SORCS3: variants seen among roughly 807,000 people sequenced by gnomAD.
SORCS3 encodes VPS10 domain-containing receptor SorCS3.
A neutral mutation model predicts 146.3 loss-of-function variants in SORCS3; 57 were observed. That is an observed-to-expected ratio of 0.39 (90% confidence interval 0.31 to 0.49). The LOEUF (loss-of-function observed/expected upper bound fraction) is 0.49. Ranked by LOEUF, SORCS3 falls within the 20% of genes least tolerant of loss-of-function variation. SORCS3 has a pLI of 0.92. For synonymous variants in SORCS3, 653 were observed against 618.5 expected (o/e 1.06, Z -0.83); for missense variants, 1,341 against 1,575.5 (o/e 0.85, Z 2.52).
At chr10:104,828,551 G>A (rs989172065) in intron 1 of SORCS3, among the ~76,000 whole-genome samples, 4 of 152,102 alleles carry the variant, frequency 2.6e-5, no homozygotes, top group Non-Finnish European at 5.9e-5. Flanking sequence ...AGCTTGAAAT[G>A]TTGTGAGAAT....
At chr10:104,717,712 C>A (rs2016496368) in intron 1 of SORCS3, among the ~76,000 whole-genome samples, 1 of 152,132 alleles carries the variant, frequency 6.6e-6, no homozygotes, top group South Asian at 2.1e-4. Flanking sequence ...AACAGAGGGT[C>A]AGAGCTGGGC....
intron 2 of SORCS3, among the ~76,000 whole-genome samples, chr10:104,905,596 C>T (rs759611565): frequency 2.6e-5 from 4 of 152,168 alleles, no homozygotes; most frequent in Admixed American, 6.5e-5. Context: ...TTAAAAGAGA[C>T]GTCCAAGGTA....
At position 105,262,453 on chromosome 10, in the gene SORCS3, A is replaced by G. The variant is rs142565865; in HGVS notation, c.3566A>G (p.Glu1189Gly). Reference protein sequence around the residue: ...KITLSDFTEPEELLDKELDTR... With the variant: ...KITLSDFTEPGELLDKELDTR... ...ACACTCAGTGACTTTACGGAGCCTGAGGAGCTGCTGGACAAAGAGCTGGAC... is the reference window on the plus strand; with the variant it reads ...ACACTCAGTGACTTTACGGAGCCTGGGGAGCTGCTGGACAAAGAGCTGGAC... Residue 1189 changes from glutamate (E) to glycine (G), a missense_variant, in exon 26 of 27, where the codon GAG becomes GGG. Glu to Gly is a moderately conservative substitution (Grantham distance 98). Transcript: ENST00000369701. 6.2e-7 allele frequency: 1 copy of G among 1,613,924 alleles called. No individual in the cohort carries two copies. The highest frequency in any genetic ancestry group is 1.3e-5 in the African/African-American group (1 of 74,922).
At chr10:104,834,409 G>T (rs970460596) in intron 1 of SORCS3, among the ~76,000 whole-genome samples, 2 of 152,082 alleles carry the variant, frequency 1.3e-5, no homozygotes, top group Admixed American at 1.3e-4. Context: ...TCCTGCCTTT[G>T]GATCTTTGCA....
intron 5 of SORCS3, among the ~76,000 whole-genome samples, chr10:105,075,792 C>G (rs2055585057): frequency 6.6e-6 from 1 of 152,040 alleles, no homozygotes; most frequent in Non-Finnish European, 1.5e-5. Flanking sequence ...GGAAGGGATC[C>G]CTAGTCTCCT....
At chr10:105,059,615 A>C (rs2055469619) in intron 5 of SORCS3, among the ~76,000 whole-genome samples, 1 of 152,180 alleles carries the variant, frequency 6.6e-6, no homozygotes, top group Non-Finnish European at 1.5e-5. Flanking sequence ...AAGGTAATAA[A>C]TTATGCATTC....
Position 105,201,267 on chromosome 10 carries a change from C to T in SORCS3, c.2261+14C>T. On this transcript the variant is annotated intron_variant, in intron 16 of 26. Coordinates refer to ENST00000369701, the MANE Select transcript of SORCS3 (RefSeq NM_014978.3). ...GGACTTCGAGTGGTGAGTTGTTTGG[C>T]ATTTCATTACCAATTCCAACCAGGT... is the stretch of plus-strand genomic sequence containing the variant. 8 of 1,598,024 alleles carry T rather than the reference C, an allele frequency of 5.0e-6. No individual in the cohort carries two copies. The highest frequency in any genetic ancestry group is 6.8e-6 in the Non-Finnish European group (8 of 1,173,664).
Position 105,016,151 on chromosome 10 carries a change from A to T in SORCS3, c.955-26904A>T, listed in dbSNP as rs972455676. Among the ~76,000 whole-genome samples, 10 of 104,548 alleles carry T rather than the reference A, an allele frequency of 9.6e-5. No individual in the cohort carries two copies. In the South Asian group the frequency reaches 1.8e-3, roughly 18 times the overall value. 68.6% of individuals were successfully genotyped at this position (104,548 alleles called of 152,430 possible). A position where few individuals can be genotyped will look rare whatever the true frequency, so the allele number is the denominator to read the frequency against. ...ATTATATAAATATATATATATATAT[A>T]TATATTTTTTTTTTTTTTTGAGATG... is the stretch of plus-strand genomic sequence containing the variant. On this transcript the variant is annotated intron_variant, in intron 4 of 26. Coordinates refer to ENST00000369701, the MANE Select transcript of SORCS3 (RefSeq NM_014978.3).
intron 4 of SORCS3, among the ~76,000 whole-genome samples, chr10:105,014,802 G>T (rs1365309402): frequency 6.6e-6 from 1 of 152,150 alleles, no homozygotes; most frequent in East Asian, 1.9e-4. Context: ...GGGCTGAAGA[G>T]ATCAAAGTTC....
chr10:105,172,895 TC>T (rs1411009984), intron 13 of SORCS3, among the ~76,000 whole-genome samples: 2 of 152,202 alleles, frequency 1.3e-5, no homozygotes, highest in African/African-American at 4.8e-5. Flanking sequence ...GACAAATGAC[TC>T]CAGTTTCTTT....
At chr10:104,888,932 C>G (rs2018720320) in intron 2 of SORCS3, among the ~76,000 whole-genome samples, 1 of 152,108 alleles carries the variant, frequency 6.6e-6, no homozygotes, top group Non-Finnish European at 1.5e-5. Flanking sequence ...GAATATTAGC[C>G]CTACCTATTC....
chr10:104,738,205 G>A lies in SORCS3; in HGVS notation c.627+96251G>A, dbSNP rs149516132. 4.9e-3 allele frequency among the ~76,000 whole-genome samples: 752 copies of A among 152,224 alleles called. 8 individuals are homozygous for A. The highest frequency in any genetic ancestry group is 0.017 in the African/African-American group (708 of 41,542). On this transcript the variant is annotated intron_variant, in intron 1 of 26. Coordinates refer to ENST00000369701, the MANE Select transcript of SORCS3 (RefSeq NM_014978.3). ...TGAAGTCAGGTAGCCTGATGTGACC[G>A]GCTTTGTTCTTTTGGCTTAGGATTG...
rs2016053499 is a variant in SORCS3, at chr10:104,687,063, A to G, written c.627+45109A>G. On this transcript the variant is annotated intron_variant, in intron 1 of 26. Coordinates refer to ENST00000369701, the MANE Select transcript of SORCS3 (RefSeq NM_014978.3). ...CATGAATTCATCCATCCATGTATGC[A>G]TCCATCCAGTCATCCATCCATGCAT... Among the ~76,000 whole-genome samples, 3 of 152,188 alleles carry G rather than the reference A, an allele frequency of 2.0e-5. No individual in the cohort carries two copies. In the South Asian group the frequency reaches 6.2e-4, roughly 32 times the overall value.
intron 20 of SORCS3, among the ~76,000 whole-genome samples, chr10:105,242,336 ATATATATATTTATACATATATT>A (rs1272627760): frequency 8.8e-4 from 112 of 127,936 alleles, no homozygotes; most frequent in Non-Finnish European, 1.4e-3. Context: ...ACATATATTT[ATATATATATTTATACATATATT>A]TATATATATT....
chr10:105,054,309 T>C (rs1358737181), intron 5 of SORCS3, among the ~76,000 whole-genome samples: 2 of 151,938 alleles, frequency 1.3e-5, no homozygotes, highest in Non-Finnish European at 2.9e-5. Flanking sequence ...TTTTTTATTA[T>C]TTTATGTTTA....
chr10:105,005,425 A>G (rs967798137), intron 4 of SORCS3, among the ~76,000 whole-genome samples: 6 of 152,234 alleles, frequency 3.9e-5, no homozygotes, highest in African/African-American at 1.2e-4. Context: ...GATATAAGAT[A>G]AAGGGAGGAA....
intron 2 of SORCS3, among the ~76,000 whole-genome samples, chr10:104,911,400 A>G (rs946451194): frequency 2.0e-5 from 3 of 152,248 alleles, no homozygotes; most frequent in Non-Finnish European, 2.9e-5. Flanking sequence ...TTCAGCAGCC[A>G]CTTTTGGAAA....
chr10:104,921,996 T>C (rs1209202397), intron 3 of SORCS3, among the ~76,000 whole-genome samples: 1 of 152,208 alleles, frequency 6.6e-6, no homozygotes, highest in Admixed American at 6.5e-5. Context: ...TGCAGAAATA[T>C]AGTGGGAATT....
rs183917231 is a variant in SORCS3, at chr10:104,971,715, G to A, written c.796-5620G>A. On this transcript the variant is annotated intron_variant, in intron 3 of 26. Transcript: ENST00000369701. ...AATCAGGAATGGAAGATGTCACTGA[G>A]TAATAGTATATTGAGTGCAAAAGAA... Among the ~76,000 whole-genome samples the A allele has an allele frequency of 2.6e-5, 4 of 152,318 alleles. No homozygotes were observed. In the East Asian group the frequency reaches 7.7e-4, roughly 29 times the overall value.
Sources: allele counts gnomAD v4.1 joint callset (sites outside exome capture counted in the v4.1 genomes callset), GRCh38; gene constraint gnomAD v4.1.1; transcripts MANE v1.5; gene names NCBI Gene and HGNC (gene_info 2026-07-23, HGNC 2026-07-21).